The following YAP1 variants were observed in gnomAD, a reference collection of about 807,000 sequenced individuals.
YAP1 encodes transcriptional coactivator YAP1.
YAP1 carries 5 observed loss-of-function variants against 56.9 expected under a neutral mutation model. That is an observed-to-expected ratio of 0.09 (90% CI 0.05 to 0.18). The LOEUF (loss-of-function observed/expected upper bound fraction) is 0.18, where lower values mean the gene tolerates loss of function less well. Among genes scored for constraint, YAP1 ranks in the 10% least tolerant of loss-of-function variants. The pLI is 1.00. For synonymous variants in YAP1, 265 were observed against 248.1 expected, an observed-to-expected ratio of 1.07 and a Z score of -0.64; for missense variants, 539 against 651.8, an observed-to-expected ratio of 0.83 and a Z score of 1.88.
chr11:102,201,783 A>G (rs1374405776), intron 4 of YAP1, among the ~76,000 whole-genome samples: 2 of 152,168 alleles, frequency 1.3e-5, no homozygotes, highest in Non-Finnish European at 2.9e-5. Flanking sequence ...GAAGGAGAGT[A>G]CCACCTAGAA....
Position 102,177,675 on chromosome 11 carries a change from C to CAAA in YAP1, c.689-8325_689-8323dup, listed in dbSNP as rs1022433513. Reference sequence around the variant, plus strand: ...CTGGCGACAGAGTGAGACTCGGTCTCAAAAAAAAAAAAAAAAAAAAGTTTA... The same window carrying CAAA: ...CTGGCGACAGAGTGAGACTCGGTCTCAAAAAAAAAAAAAAAAAAAAAAAGTTTA... On this transcript the variant is annotated intron_variant, in intron 3 of 8. Coordinates refer to ENST00000282441, the MANE Select transcript of YAP1 (RefSeq NM_001130145.3). 5.1e-3 allele frequency among the ~76,000 whole-genome samples: 282 copies of CAAA among 54,998 alleles called. 2 individuals carry two copies. The highest frequency in any genetic ancestry group is 9.6e-3 in the Middle Eastern group (1 of 104). 36.1% of individuals were successfully genotyped at this position (54,998 alleles called of 152,430 possible).
chr11:102,137,298 A>G (rs1944728485), intron 2 of YAP1, among the ~76,000 whole-genome samples: 1 of 152,228 alleles, frequency 6.6e-6, no homozygotes, highest in South Asian at 2.1e-4. Flanking sequence ...AGAATAGGGT[A>G]TCATGTTAAA....
chr11:102,117,060 T>G (rs142898299), intron 2 of YAP1, among the ~76,000 whole-genome samples: 1 of 152,348 alleles, frequency 6.6e-6, no homozygotes, highest in African/African-American at 2.4e-5. Flanking sequence ...TCCATGATGT[T>G]ATGGACCGTA....
chr11:102,117,114 A>G (rs529952770), intron 2 of YAP1, among the ~76,000 whole-genome samples: 1 of 152,318 alleles, frequency 6.6e-6, no homozygotes, highest in South Asian at 2.1e-4. Flanking sequence ...GACAAATGAG[A>G]TTAATATCCT....
Position 102,173,307 on chromosome 11 carries a change from G to A in YAP1, c.688+10736G>A, listed in dbSNP as rs886312586. On this transcript the variant is annotated intron_variant, in intron 3 of 8. Transcript: ENST00000282441. ...ACCTCAGAATGGCTTTGTGTCATAAGCTAAGAAGTTTGAGCCTTGTCCTGA... is the reference window on the plus strand; with the variant it reads ...ACCTCAGAATGGCTTTGTGTCATAAACTAAGAAGTTTGAGCCTTGTCCTGA... 4.6e-5 allele frequency among the ~76,000 whole-genome samples: 7 copies of A among 152,136 alleles called. No homozygotes were observed. In the East Asian group the frequency reaches 1.4e-3, roughly 29 times the overall value.
At chr11:102,210,556 CA>C in intron 6 of YAP1, among the ~76,000 whole-genome samples, 1 of 152,128 alleles carries the variant, frequency 6.6e-6, no homozygotes, top group East Asian at 1.9e-4. Flanking sequence ...CACCATTAAT[CA>C]AAAGACCAAG....
chr11:102,216,688 T>G (rs1949688049), intron 6 of YAP1, among the ~76,000 whole-genome samples: 1 of 152,166 alleles, frequency 6.6e-6, no homozygotes, highest in Non-Finnish European at 1.5e-5. Context: ...CTCTAAGAAG[T>G]TTTTGGATTA....
intron 2 of YAP1, among the ~76,000 whole-genome samples, chr11:102,142,378 C>T (rs780115200): frequency 2.6e-5 from 4 of 152,170 alleles, no homozygotes; most frequent in Non-Finnish European, 5.9e-5. Context: ...GCTAACATAT[C>T]ACAAATTGTT....
intron 1 of YAP1, among the ~76,000 whole-genome samples, chr11:102,113,286 G>A (rs1943077723): frequency 6.6e-6 from 1 of 152,156 alleles, no homozygotes; most frequent in Admixed American, 6.6e-5. Flanking sequence ...ACACAAACTG[G>A]TGACTGTAAG....
At chr11:102,151,713 A>C (rs1390583596) in intron 2 of YAP1, among the ~76,000 whole-genome samples, 1 of 152,198 alleles carries the variant, frequency 6.6e-6, no homozygotes, top group Non-Finnish European at 1.5e-5. Flanking sequence ...ACTGTAGCTC[A>C]GATAATATTG....
At chr11:102,168,561 TTCTC>T (rs942759876) in intron 3 of YAP1, among the ~76,000 whole-genome samples, 5 of 152,210 alleles carry the variant, frequency 3.3e-5, no homozygotes, top group Non-Finnish European at 7.3e-5. Flanking sequence ...ACTTTCAGAT[TTCTC>T]TATTATGAAA....
chr11:102,114,461 G>T, intron 2 of YAP1, 67 bp downstream of exon 2: 3 of 1,540,412 alleles, frequency 1.9e-6, no homozygotes, highest in East Asian at 2.3e-5. Flanking sequence ...ACAGTAAAGT[G>T]GTGTCAAGAT....
At chr11:102,201,512 T>G (rs920132690) in intron 4 of YAP1, among the ~76,000 whole-genome samples, 4 of 152,230 alleles carry the variant, frequency 2.6e-5, no homozygotes, top group East Asian at 3.8e-4. Flanking sequence ...TATAGAAGAA[T>G]AATTTCAGGT....
chr11:102,122,226 C>A (rs1943697737), intron 2 of YAP1, among the ~76,000 whole-genome samples: 1 of 151,926 alleles, frequency 6.6e-6, no homozygotes, highest in Admixed American at 6.6e-5. Flanking sequence ...TCAAGACCAG[C>A]CTGGCCAACA....
chr11:102,174,204 T>C (rs1043597847), intron 3 of YAP1, among the ~76,000 whole-genome samples: 4 of 152,204 alleles, frequency 2.6e-5, no homozygotes, highest in African/African-American at 9.6e-5. Flanking sequence ...AATGAAACCT[T>C]TACTGAGTAC....
At chr11:102,115,060 G>T (rs961986818) in intron 2 of YAP1, among the ~76,000 whole-genome samples, 8 of 152,054 alleles carry the variant, frequency 5.3e-5, no homozygotes, top group Non-Finnish European at 7.4e-5. Context: ...ATGACCGTTG[G>T]GTTGTTTATT....
intron 2 of YAP1, among the ~76,000 whole-genome samples, chr11:102,136,705 T>G (rs1322927076): frequency 6.6e-6 from 1 of 152,234 alleles, no homozygotes; most frequent in Non-Finnish European, 1.5e-5. Flanking sequence ...CTTCTCAGAA[T>G]TGACTATGTA....
At chr11:102,162,255 T>C (rs1487786996) in intron 2 of YAP1, among the ~76,000 whole-genome samples, 1 of 152,168 alleles carries the variant, frequency 6.6e-6, no homozygotes, top group Non-Finnish European at 1.5e-5. Context: ...GTTGCACTTG[T>C]AAGATCTAAG....
intron 2 of YAP1, among the ~76,000 whole-genome samples, chr11:102,123,048 T>C (rs1249844900): frequency 2.0e-5 from 3 of 152,158 alleles, no homozygotes; most frequent in African/African-American, 4.8e-5. Context: ...ATTTATAAAA[T>C]GTGTTACATT....
Sources: allele counts gnomAD v4.1 joint callset (sites outside exome capture counted in the v4.1 genomes callset), GRCh38; gene constraint gnomAD v4.1.1; transcripts MANE v1.5; gene names NCBI Gene and HGNC (gene_info 2026-07-23, HGNC 2026-07-21).